PDCD1LG2: variants seen among roughly 807,000 people sequenced by gnomAD.
PDCD1LG2 encodes programmed cell death 1 ligand 2, also known as B7 dendritic cell molecule.
PDCD1LG2 carries 32 observed loss-of-function variants against 28.2 expected under a neutral mutation model. The observed-to-expected ratio is 1.13, with a 90% CI of 0.86 to 1.52. The LOEUF is 1.52. Ranked by LOEUF, PDCD1LG2 falls within the 40% of genes most tolerant of loss-of-function variation. The pLI is 0.00. For synonymous variants in PDCD1LG2, 116 were observed against 120.2 expected (o/e 0.97, Z 0.23); for missense variants, 385 against 323.8 (o/e 1.19, Z -1.45).
At position 5,570,724 on chromosome 9, in the gene PDCD1LG2, C is replaced by T. The variant is rs919847363; in HGVS notation, c.*765C>T. 3 of 229,496 alleles carry T rather than the reference C, an allele frequency of 1.3e-5. No individual in the cohort carries two copies. The highest frequency in any genetic ancestry group is 6.6e-5 in the African/African-American group (3 of 45,134). The allele number at this position is 229,496 out of a possible 1,614,324, so 14.2% of individuals were successfully genotyped here. ...TTTTACCTTAGAAATCAATTATATA[C>T]AGTCAAAAATATTTGATATGCTCAT... is the stretch of plus-strand genomic sequence containing the variant. On this transcript the variant is annotated 3_prime_UTR_variant, in exon 7 of 7. Transcript: ENST00000397747.
chr9:5,550,217 A>C (rs557937728), intron 4 of PDCD1LG2, among the ~76,000 whole-genome samples: 3 of 152,294 alleles, frequency 2.0e-5, no homozygotes, highest in African/African-American at 7.2e-5. Flanking sequence ...TTTGGTCTCT[A>C]ACAAAATTCT....
chr9:5,544,067 A>G (rs1820745813), intron 3 of PDCD1LG2, among the ~76,000 whole-genome samples: 1 of 152,252 alleles, frequency 6.6e-6, no homozygotes. Flanking sequence ...TATAAAACAG[A>G]TACTACCATG....
At chr9:5,560,922 C>G (rs908273775) in intron 5 of PDCD1LG2, among the ~76,000 whole-genome samples, 6 of 152,234 alleles carry the variant, frequency 3.9e-5, no homozygotes, top group African/African-American at 1.4e-4. Flanking sequence ...GGGTGACCTG[C>G]TGGGCTCTAG....
chr9:5,521,704 C>A (rs1212240631), intron 1 of PDCD1LG2, among the ~76,000 whole-genome samples: 1 of 152,200 alleles, frequency 6.6e-6, no homozygotes, highest in Non-Finnish European at 1.5e-5. Flanking sequence ...TTTCATCACA[C>A]TCAGAGCAGC....
At chr9:5,531,293 T>C (rs552764712) in intron 2 of PDCD1LG2, among the ~76,000 whole-genome samples, 38 of 152,330 alleles carry the variant, frequency 2.5e-4, no homozygotes, top group African/African-American at 8.7e-4. Flanking sequence ...TAAGCAAGAA[T>C]GTTTCAGGAT....
chr9:5,562,096 G>A (rs1000741818), intron 5 of PDCD1LG2, among the ~76,000 whole-genome samples: 1 of 152,194 alleles, frequency 6.6e-6, no homozygotes. Flanking sequence ...ATTAGGAATG[G>A]ACTGATTTCA....
At chr9:5,537,735 C>A (rs902219829) in intron 3 of PDCD1LG2, among the ~76,000 whole-genome samples, 1 of 151,940 alleles carries the variant, frequency 6.6e-6, no homozygotes, top group Non-Finnish European at 1.5e-5. Context: ...GTTGTGTGGT[C>A]GGGGGAGGGG....
At chr9:5,559,779 T>C (rs1022254022) in intron 5 of PDCD1LG2, among the ~76,000 whole-genome samples, 1 of 152,186 alleles carries the variant, frequency 6.6e-6, no homozygotes, top group African/African-American at 2.4e-5. Context: ...CCAGACCTTC[T>C]CCATGGCTTC....
chr9:5,545,674 A>G (rs1816189302), intron 3 of PDCD1LG2, among the ~76,000 whole-genome samples: 2 of 152,228 alleles, frequency 1.3e-5, no homozygotes, highest in South Asian at 2.1e-4. Context: ...CAAATCCACA[A>G]TTACATTTGA....
At chr9:5,548,618 G>C (rs1038863448) in intron 3 of PDCD1LG2, among the ~76,000 whole-genome samples, 3 of 152,228 alleles carry the variant, frequency 2.0e-5, no homozygotes, top group Middle Eastern at 3.4e-3. Context: ...GCTTTCTTGA[G>C]GCAGGGAGCC....
chr9:5,514,903 G>C (rs1820127746), intron 1 of PDCD1LG2, among the ~76,000 whole-genome samples: 1 of 152,084 alleles, frequency 6.6e-6, no homozygotes, highest in Admixed American at 6.6e-5. Context: ...GCTCAGGGGA[G>C]GATTTATGAA....
chr9:5,511,456 C>T (rs1820056232), intron 1 of PDCD1LG2, among the ~76,000 whole-genome samples: 1 of 152,190 alleles, frequency 6.6e-6, no homozygotes, highest in Non-Finnish European at 1.5e-5. Flanking sequence ...AGAGCAAAGG[C>T]AATGGGTTCA....
chr9:5,516,494 C>G (rs1428847816), intron 1 of PDCD1LG2, among the ~76,000 whole-genome samples: 1 of 152,260 alleles, frequency 6.6e-6, no homozygotes, highest in Non-Finnish European at 1.5e-5. Flanking sequence ...GGCTCCCAGG[C>G]TTTGGGCCAT....
intron 5 of PDCD1LG2, 140 bp downstream of exon 5, chr9:5,557,892 T>C: frequency 1.9e-6 from 2 of 1,073,280 alleles, no homozygotes; most frequent in Non-Finnish European, 2.7e-6. Flanking sequence ...CTTGTCTTGA[T>C]GATTATTTTT....
rs1018840436 is a variant in PDCD1LG2, at chr9:5,548,756, A to G, written c.362-579A>G. ...GAATAAATATACCCAACTCTTTACT[A>G]TGTATAGACATTATCTAGGTCTTTA... On this transcript the variant is annotated intron_variant, in intron 3 of 6. Transcript: ENST00000397747. Among the ~76,000 whole-genome samples, 6 of 152,322 alleles carry G rather than the reference A, an allele frequency of 3.9e-5. No homozygotes were observed. In the East Asian group the frequency reaches 1.2e-3, roughly 29 times the overall value.
rs560953289 is a variant in PDCD1LG2, at chr9:5,549,459, C to G, written c.486C>G (p.Ala162=). 8.1e-6 allele frequency: 13 copies of G among 1,614,190 alleles called. No homozygotes were observed. The East Asian group carries it at 2.0e-4, about 25-fold the overall frequency. ...CCTGGCCAAACGTCAGCGTTCCTGC[C>G]AACACCAGCCACTCCAGGACCCCTG... ...EVSWPNVSVP[A]NTSHSRTPEG... is the part of the protein sequence containing the mutation. The change falls in exon 4 of 7, where the codon GCC becomes GCG. Residue 162 remains alanine (A), a synonymous_variant. Coordinates refer to ENST00000397747, the MANE Select transcript of PDCD1LG2 (RefSeq NM_025239.4).
chr9:5,517,596 C>G (rs1007760128), intron 1 of PDCD1LG2, among the ~76,000 whole-genome samples: 3 of 152,236 alleles, frequency 2.0e-5, no homozygotes, highest in Middle Eastern at 3.4e-3. Flanking sequence ...TATGGTTTGA[C>G]TTTTATTTTT....
chr9:5,552,024 G>A (rs1011157958), intron 4 of PDCD1LG2, among the ~76,000 whole-genome samples: 1 of 152,146 alleles, frequency 6.6e-6, no homozygotes, highest in Non-Finnish European at 1.5e-5. Context: ...CACCCCAGAT[G>A]GAATGGTTTC....
At chr9:5,536,144 G>A (rs1474018538) in intron 3 of PDCD1LG2, among the ~76,000 whole-genome samples, 1 of 152,190 alleles carries the variant, frequency 6.6e-6, no homozygotes, top group Non-Finnish European at 1.5e-5. Flanking sequence ...CTGGACATGA[G>A]GATGAATATT....
Sources: gnomAD v4.1 joint callset for allele counts (sites outside exome capture counted in the v4.1 genomes callset) on GRCh38, gnomAD v4.1.1 for gene constraint, MANE v1.5 for transcripts, NCBI Gene and HGNC (gene_info 2026-07-23, HGNC 2026-07-21) for gene names.